The following NAV3 variants were observed in gnomAD, a reference collection of about 807,000 sequenced individuals.
NAV3 encodes the protein neuron navigator 3.
A neutral mutation model predicts 244.7 loss-of-function variants in NAV3; 87 were observed. That is an observed-to-expected ratio of 0.36 (90% confidence interval 0.30 to 0.42). The LOEUF is 0.42. Among genes scored for constraint, NAV3 ranks in the 20% least tolerant of loss-of-function variants. NAV3 has a pLI of 1.00. For synonymous variants in NAV3, 1,126 were observed against 1,042.2 expected (o/e 1.08, Z -1.55); for missense variants, 2,663 against 2,893.3 (o/e 0.92, Z 1.83).
chr12:77,830,123 T>C (rs2136061386), upstream of NAV3, among the ~76,000 whole-genome samples: 1 of 152,320 alleles, frequency 6.6e-6, no homozygotes, highest in East Asian at 1.9e-4. Context: ...CTGACATGCT[T>C]TAACCAGAAA....
chr12:77,739,942 T>G (rs1051531625), intron 2 of NAV3, among the ~76,000 whole-genome samples: 1 of 152,144 alleles, frequency 6.6e-6, no homozygotes. Context: ...CGCTATAAAT[T>G]TAAATTATTT....
intron 2 of NAV3, among the ~76,000 whole-genome samples, chr12:77,622,900 G>A (rs1871443913): frequency 6.6e-6 from 1 of 152,170 alleles, no homozygotes; most frequent in African/African-American, 2.4e-5. Flanking sequence ...TACCAATTCT[G>A]TTGTCATCTA....
At chr12:77,854,036 G>A (rs948864408) in intron 1 of NAV3, among the ~76,000 whole-genome samples, 1 of 152,146 alleles carries the variant, frequency 6.6e-6, no homozygotes, top group Non-Finnish European at 1.5e-5. Flanking sequence ...CCAGTTGGTA[G>A]GAAAATGAAA....
chr12:77,870,289 C>T (rs1433750232), intron 1 of NAV3, among the ~76,000 whole-genome samples: 1 of 150,136 alleles, frequency 6.7e-6, no homozygotes, highest in African/African-American at 2.5e-5. Flanking sequence ...TGCTTGAAAC[C>T]AGGAGGCAGA....
intron 1 of NAV3, among the ~76,000 whole-genome samples, chr12:77,844,708 G>A (rs1043728448): frequency 1.3e-5 from 2 of 151,994 alleles, no homozygotes; most frequent in Non-Finnish European, 2.9e-5. Flanking sequence ...AAAGAATATA[G>A]TCATATACAT....
At chr12:77,901,964 G>A (rs1023998226) in intron 1 of NAV3, among the ~76,000 whole-genome samples, 1 of 152,102 alleles carries the variant, frequency 6.6e-6, no homozygotes, top group African/African-American at 2.4e-5. Context: ...ATATGTATAT[G>A]CTTAATAGTA....
chr12:77,622,254 G>A (rs1871405550), intron 2 of NAV3, among the ~76,000 whole-genome samples: 1 of 151,992 alleles, frequency 6.6e-6, no homozygotes. Flanking sequence ...CCGCCTCCTG[G>A]GTTCATGCCG....
intron 2 of NAV3, among the ~76,000 whole-genome samples, chr12:77,595,221 A>T (rs1352942610): frequency 6.6e-6 from 1 of 152,184 alleles, no homozygotes; most frequent in Non-Finnish European, 1.5e-5. Flanking sequence ...AATATTGTTC[A>T]GCTTTAAAAA....
rs145176883 is a variant in NAV3 at position 77,896,441 on chromosome 12, A to C, written c.244-43878A>C. On this transcript the variant is annotated intron_variant, in intron 1 of 39. Coordinates refer to ENST00000397909, the MANE Select transcript of NAV3 (RefSeq NM_001024383.2). ...TTAGGTACTAGAAATTGAGAGGTGG[A>C]TAAGACCAGGTGTTACAAAGTCAAA... 2.6e-5 allele frequency among the ~76,000 whole-genome samples: 4 copies of C among 152,336 alleles called. No individual in the cohort carries two copies. The East Asian group carries it at 7.7e-4, about 29-fold the overall frequency.
intron 37 of NAV3, among the ~76,000 whole-genome samples, chr12:78,199,770 G>A (rs10860102): frequency 0.23 from 35,154 of 151,714 alleles, 5,472 homozygotes; most frequent in African/African-American, 0.44. Context: ...TTCAATATGG[G>A]CAAATATCTA....
chr12:77,898,855 C>A (rs1027315727), intron 1 of NAV3, among the ~76,000 whole-genome samples: 3 of 152,036 alleles, frequency 2.0e-5, no homozygotes, highest in African/African-American at 7.3e-5. Context: ...AAGGATTCAC[C>A]ATTATAGATG....
chr12:77,794,104 G>A (rs1315884233), intron 2 of NAV3, among the ~76,000 whole-genome samples: 1 of 151,888 alleles, frequency 6.6e-6, no homozygotes, highest in African/African-American at 2.4e-5. Context: ...TATGTTTCTT[G>A]GCCATGTAAA....
intron 2 of NAV3, among the ~76,000 whole-genome samples, chr12:77,741,148 C>CAAAAA: frequency 1.8e-3 from 121 of 68,524 alleles, no homozygotes; most frequent in South Asian, 2.6e-3. Context: ...AAAAAAAAGA[C>CAAAAA]AAAAAAAAAA....
chr12:77,790,120 C>T (rs1264257416), intron 2 of NAV3, among the ~76,000 whole-genome samples: 2 of 152,180 alleles, frequency 1.3e-5, no homozygotes, highest in East Asian at 1.9e-4. Flanking sequence ...AAGCCTCTTA[C>T]ACTACCAGTG....
intron 5 of NAV3, among the ~76,000 whole-genome samples, chr12:77,975,631 G>T (rs1303165370): frequency 6.6e-6 from 1 of 152,212 alleles, no homozygotes; most frequent in African/African-American, 2.4e-5. Flanking sequence ...CTTAGACCTT[G>T]AATTAAGAGC....
chr12:77,946,719 C>A (rs1319093906), intron 3 of NAV3, among the ~76,000 whole-genome samples: 1 of 152,066 alleles, frequency 6.6e-6, no homozygotes, highest in East Asian at 1.9e-4. Context: ...AGGAATGTCC[C>A]AAATGCCCAG....
At chr12:77,900,654 T>A (rs576676185) in intron 1 of NAV3, among the ~76,000 whole-genome samples, 24 of 152,228 alleles carry the variant, frequency 1.6e-4, no homozygotes, top group Non-Finnish European at 3.1e-4. Context: ...TCTGTTATTG[T>A]GAATAGTGCT....
At chr12:77,716,405 T>C (rs1260473105) in intron 2 of NAV3, among the ~76,000 whole-genome samples, 2 of 151,852 alleles carry the variant, frequency 1.3e-5, no homozygotes, top group Non-Finnish European at 2.9e-5. Flanking sequence ...AGAAAAATTA[T>C]TAAAAATAAA....
chr12:77,951,015 C>G (rs552791099), intron 3 of NAV3: 1 of 152,330 alleles, frequency 6.6e-6, no homozygotes, highest in Non-Finnish European at 1.5e-5. Flanking sequence ...TGGACAAGGA[C>G]TTCATGTCGA....
Sources: gnomAD v4.1 joint callset for allele counts (sites outside exome capture counted in the v4.1 genomes callset) on GRCh38, gnomAD v4.1.1 for gene constraint, MANE v1.5 for transcripts, NCBI Gene and HGNC (gene_info 2026-07-23, HGNC 2026-07-21) for gene names.